ZNF214: variants seen among roughly 807,000 people sequenced by gnomAD.
The protein encoded by ZNF214 is BWSCR2-associated zinc finger protein 1.
Under a neutral mutation model 53.9 loss-of-function variants are expected in ZNF214, and 43 were observed. The ratio of observed to expected loss-of-function variants is 0.80; its 90% CI spans 0.63 to 1.03. The LOEUF is 1.03. ZNF214 is among the 50% of genes least tolerant of loss of function. The probability of loss-of-function intolerance (pLI) is 0.00; values close to 1 mark genes in which losing one functional copy is unlikely to be tolerated. For synonymous variants in ZNF214, 217 were observed against 229.5 expected, an observed-to-expected ratio of 0.95 and a Z score of 0.49; for missense variants, 724 against 719.1, an observed-to-expected ratio of 1.01 and a Z score of -0.08.
intron 1 of ZNF214, among the ~76,000 whole-genome samples, chr11:7,005,932 C>T (rs1053707512): frequency 6.6e-6 from 1 of 152,006 alleles, no homozygotes; most frequent in East Asian, 1.9e-4. Context: ...GATTATCTCC[C>T]AAACTTACTC....
chr11:7,018,495 C>CTTTTTTTT (rs55641448), intron 1 of ZNF214, among the ~76,000 whole-genome samples: 908 of 61,876 alleles, frequency 0.015, 87 homozygotes, highest in Middle Eastern at 0.052. Flanking sequence ...AATGTTAAGA[C>CTTTTTTTT]TTTTTTTTTT....
At chr11:7,001,593 A>G in intron 2 of ZNF214, 38 bp from the exon 3 acceptor site, 2 of 1,535,828 alleles carry the variant, frequency 1.3e-6, no homozygotes, top group South Asian at 2.6e-5. Flanking sequence ...GTGAGATAAA[A>G]GCTGTGTTGA....
rs150427362 is a variant in ZNF214 at position 7,002,125 on chromosome 11, G to A, written c.128-570C>T. ...ACTTGAAAAGTCCTTGCCCTCTCTCGATGCTTTTGAAAATCCCGTGACCAC... is the reference window on the plus strand; with the variant it reads ...ACTTGAAAAGTCCTTGCCCTCTCTCAATGCTTTTGAAAATCCCGTGACCAC... On this transcript the variant is annotated intron_variant, in intron 2 of 2. Coordinates refer to ENST00000278314, the MANE Select transcript of ZNF214 (RefSeq NM_013249.4). 2.3e-4 allele frequency among the ~76,000 whole-genome samples: 35 copies of A among 151,982 alleles called. No homozygotes were observed. The East Asian group carries it at 6.6e-3, about 29-fold the overall frequency.
chr11:7,012,357 A>G (rs1377984034), intron 1 of ZNF214, among the ~76,000 whole-genome samples: 1 of 152,220 alleles, frequency 6.6e-6, no homozygotes, highest in Non-Finnish European at 1.5e-5. Flanking sequence ...TTCCAACTTA[A>G]TACCATATAC....
At chr11:7,017,038 C>G (rs1482970826) in intron 1 of ZNF214, among the ~76,000 whole-genome samples, 4 of 152,036 alleles carry the variant, frequency 2.6e-5, no homozygotes, top group Admixed American at 6.6e-5. Flanking sequence ...TATATGTTTT[C>G]CACACAAGAA....
chr11:7,019,990 C>T (rs1054384590), intron 1 of ZNF214, 83 bp downstream of exon 1: 4 of 152,438 alleles, frequency 2.6e-5, no homozygotes, highest in Non-Finnish European at 5.9e-5. Flanking sequence ...TTATCCAGAT[C>T]CCCGGCCAGA....
intron 1 of ZNF214, among the ~76,000 whole-genome samples, chr11:7,015,003 T>A (rs1851725888): frequency 6.6e-6 from 1 of 151,782 alleles, no homozygotes; most frequent in African/African-American, 2.4e-5. Flanking sequence ...TTCTTTTGCT[T>A]ATAGGAAATA....
At chr11:7,014,805 A>C (rs1338164635) in intron 1 of ZNF214, among the ~76,000 whole-genome samples, 86 of 91,336 alleles carry the variant, frequency 9.4e-4, no homozygotes, top group Non-Finnish European at 1.7e-3. Context: ...TGTCTCTAAC[A>C]AAAAAAAAAA....
At chr11:7,009,023 A>G (rs550885153) in intron 1 of ZNF214, among the ~76,000 whole-genome samples, 11 of 152,310 alleles carry the variant, frequency 7.2e-5, no homozygotes, top group African/African-American at 2.4e-4. Flanking sequence ...TACAGATTCA[A>G]TGATACTTCC....
intron 1 of ZNF214, among the ~76,000 whole-genome samples, chr11:7,009,369 G>A (rs1380828020): frequency 1.3e-5 from 2 of 152,140 alleles, no homozygotes; most frequent in African/African-American, 4.8e-5. Context: ...TAACTGGCTA[G>A]CCATATGCAG....
At chr11:7,003,527 TA>T (rs1207423394) in intron 1 of ZNF214, among the ~76,000 whole-genome samples, 1 of 151,996 alleles carries the variant, frequency 6.6e-6, no homozygotes, top group Non-Finnish European at 1.5e-5. Context: ...TTATTCACAA[TA>T]AATGAATACG....
Position 7,000,040 on chromosome 11 carries a change from T to C in ZNF214, c.1643A>G (p.His548Arg), listed in dbSNP as rs773807947. ...SSNLHIHQRVHTGEKPYQCAK... is the reference protein window; with the variant it reads ...SSNLHIHQRVRTGEKPYQCAK... ...ACATTGATAAGGCTTCTCTCCTGTA[T>C]GGACCCTCTGATGAATGTGAAGATT... Residue 548 changes from histidine (H) to arginine (R), a missense_variant, in exon 3 of 3, where the codon CAT becomes CGT. Transcript: ENST00000278314. The C allele has an allele frequency of 1.9e-6, 3 of 1,613,268 alleles. No individual in the cohort carries two copies. Among genetic ancestry groups the C allele is most frequent in the Non-Finnish European group, 2.5e-6 (3 of 1,179,574 alleles).
chr11:7,000,816 T>C lies in ZNF214; in HGVS notation c.867A>G (p.Gly289=), dbSNP rs568404936. 1 of 1,611,490 alleles carries C rather than the reference T, an allele frequency of 6.2e-7. No individual in the cohort carries two copies. The highest frequency in any genetic ancestry group is 1.3e-5 in the African/African-American group (1 of 74,930). ...EVDGNFHQSS[G]VHFHQRVHIG... ...TGTGAACTCTCTGATGAAAGTGAAC[T>C]CCGGAGCTCTGATGAAAGTTACCGT... Residue 289 remains glycine (G), a synonymous_variant, in exon 3 of 3, where the codon GGA becomes GGG. Coordinates refer to ENST00000278314, the MANE Select transcript of ZNF214 (RefSeq NM_013249.4).
intron 1 of ZNF214, among the ~76,000 whole-genome samples, chr11:7,010,244 AAAG>A (rs1245452475): frequency 6.6e-6 from 1 of 152,146 alleles, no homozygotes; most frequent in Non-Finnish European, 1.5e-5. Context: ...AGGCATTAAA[AAAG>A]AACAAAATTA....
chr11:7,014,200 A>C (rs1054677715), intron 1 of ZNF214, among the ~76,000 whole-genome samples: 1 of 152,220 alleles, frequency 6.6e-6, no homozygotes, highest in East Asian at 1.9e-4. Context: ...AATCAGCTGA[A>C]AACTACTGGC....
At position 6,997,770 on chromosome 11, in the gene ZNF214, C is replaced by T. The variant is rs75558609; in HGVS notation, c.*2092G>A. ...AAATGTATGAAATTTTAGTGTAAGT[C>T]CCATGCAATATTTGGGACACCCTTA... On this transcript the variant is annotated 3_prime_UTR_variant, in exon 3 of 3. Coordinates refer to ENST00000278314, the MANE Select transcript of ZNF214 (RefSeq NM_013249.4). 2.0e-5 allele frequency among the ~76,000 whole-genome samples: 3 copies of T among 151,660 alleles called. No individual in the cohort carries two copies. Among genetic ancestry groups the T allele is most frequent in the African/African-American group, 7.3e-5 (3 of 41,306 alleles).
chr11:7,000,795 A>T lies in ZNF214; in HGVS notation c.888T>A (p.Val296=), dbSNP rs1296399205. ...AGCTATAAGGTACCTCCCCTATGTG[A>T]ACTCTCTGATGAAAGTGAACTCCGG... is the stretch of plus-strand genomic sequence containing the variant. ...QSSGVHFHQR[V]HIGEVPYSCN... The change falls in exon 3 of 3, where the codon GTT becomes GTA. Residue 296 remains valine (V), a synonymous_variant. Transcript: ENST00000278314. 6.2e-7 allele frequency: 1 copy of T among 1,611,092 alleles called. No homozygotes were observed.
In ZNF214 at chr11:7,015,244, A is replaced by G. The variant is rs75865209; in HGVS notation, c.-21+4829T>C. Among the ~76,000 whole-genome samples the G allele has an allele frequency of 8.3e-3, 1,260 of 152,238 alleles. 19 individuals are homozygous for G. The highest frequency in any genetic ancestry group is 0.029 in the African/African-American group (1,214 of 41,552). ...TAAAAATAAATTTACCAAAAATACCAGAACCTATATAAAGATAGTTTTAGA... is the reference window on the plus strand; with the variant it reads ...TAAAAATAAATTTACCAAAAATACCGGAACCTATATAAAGATAGTTTTAGA... On this transcript the variant is annotated intron_variant, in intron 1 of 2. Transcript: ENST00000278314.
chr11:7,001,658 G>A (rs530755233), intron 2 of ZNF214, 103 bp from the exon 3 acceptor site: 7 of 1,334,022 alleles, frequency 5.2e-6, no homozygotes, highest in Admixed American at 5.3e-5. Context: ...TATATGTGTG[G>A]CTGGGGGTAG....
Sources: allele counts gnomAD v4.1 joint callset (sites outside exome capture counted in the v4.1 genomes callset), GRCh38; gene constraint gnomAD v4.1.1; transcripts MANE v1.5; gene names NCBI Gene and HGNC (gene_info 2026-07-23, HGNC 2026-07-21).